POLN: variants seen among roughly 807,000 people sequenced by gnomAD.
The protein encoded by POLN is DNA polymerase N.
In POLN, 108 loss-of-function variants were observed where a neutral mutation model predicts 113.5. The observed-to-expected ratio is 0.95, with a 90% confidence interval of 0.81 to 1.12. POLN has a LOEUF of 1.12. Among genes scored for constraint, POLN ranks in the 50% most tolerant of loss-of-function variants. The pLI, the probability that POLN is intolerant of heterozygous loss-of-function variation, is 0.00. For synonymous variants in POLN, 386 were observed against 391.5 expected (o/e 0.99, Z 0.17); for missense variants, 1,097 against 1,077.1 (o/e 1.02, Z -0.26).
intron 13 of POLN, among the ~76,000 whole-genome samples, chr4:2,166,453 T>C (rs1732730374): frequency 1.3e-5 from 2 of 152,078 alleles, no homozygotes; most frequent in African/African-American, 4.8e-5. Context: ...TCTTATAATA[T>C]CTAATTTTAG....
intron 20 of POLN, chr4:2,089,471 G>C: frequency 1.4e-6 from 2 of 1,407,450 alleles, no homozygotes; most frequent in Non-Finnish European, 1.9e-6. Flanking sequence ...TTGTGTTCCC[G>C]AAACAGTTCA....
chr4:2,164,802 C>CAAAAAAAAAA (rs33935159), intron 13 of POLN, among the ~76,000 whole-genome samples: 3 of 28,694 alleles, frequency 1.0e-4, no homozygotes, highest in African/African-American at 2.3e-4. Context: ...GACTCTGTCT[C>CAAAAAAAAAA]AAAAAAAAAA....
chr4:2,107,483 G>C (rs907438177), intron 19 of POLN, among the ~76,000 whole-genome samples: 7 of 152,168 alleles, frequency 4.6e-5, no homozygotes, highest in Non-Finnish European at 8.8e-5. Context: ...AGGCTTGGAG[G>C]GGTTGCATGA....
chr4:2,217,908 G>A (rs1328512936), intron 3 of POLN, among the ~76,000 whole-genome samples: 1 of 152,224 alleles, frequency 6.6e-6, no homozygotes, highest in African/African-American at 2.4e-5. Flanking sequence ...ATGCCTATCA[G>A]GTGTTATGGT....
intron 23 of POLN, chr4:2,076,734 C>T (rs1204419061): frequency 3.3e-5 from 5 of 152,340 alleles, no homozygotes; most frequent in African/African-American, 4.8e-5. Flanking sequence ...GGGCATGTGA[C>T]GGAGAGCCCC....
At chr4:2,213,011 A>T (rs1231248189) in intron 4 of POLN, 36 bp downstream of exon 4, 1 of 1,435,904 alleles carries the variant, frequency 7.0e-7, no homozygotes, top group East Asian at 2.3e-5. Flanking sequence ...CAAATAAGTT[A>T]TCTATTTAAA....
intron 23 of POLN, chr4:2,080,389 C>A: frequency 3.9e-6 from 4 of 1,031,140 alleles, no homozygotes; most frequent in Non-Finnish European, 4.6e-6. Flanking sequence ...CAAGGCACAT[C>A]TGCATGTTGG....
chr4:2,231,788 C>T (rs1233654373), intron 2 of POLN: 2 of 560,774 alleles, frequency 3.6e-6, no homozygotes, highest in Non-Finnish European at 6.3e-6. Context: ...AGAAAAAAGA[C>T]AAATTAATAT....
At chr4:2,210,902 CAG>C in intron 4 of POLN, among the ~76,000 whole-genome samples, 1 of 147,256 alleles carries the variant, frequency 6.8e-6, no homozygotes. Flanking sequence ...GCCTTGGTGA[CAG>C]AGACTCCATC....
intron 21 of POLN, among the ~76,000 whole-genome samples, chr4:2,082,434 C>T (rs11931364): frequency 0.11 from 16,914 of 152,206 alleles, 3,175 homozygotes; most frequent in African/African-American, 0.38. Flanking sequence ...GGGGATGTCT[C>T]AGTCAGGTCC....
intron 16 of POLN, chr4:2,139,583 A>C (rs1731945327): frequency 6.6e-6 from 1 of 152,250 alleles, no homozygotes; most frequent in South Asian, 2.1e-4. Flanking sequence ...GGGATGGCTC[A>C]GTTTACTCTA....
At chr4:2,196,122 A>C (rs1262377654) in intron 6 of POLN, among the ~76,000 whole-genome samples, 1 of 152,226 alleles carries the variant, frequency 6.6e-6, no homozygotes, top group Non-Finnish European at 1.5e-5. Context: ...TCTGAAAAAA[A>C]TCGAATATTT....
chr4:2,090,578 C>T, intron 20 of POLN: 1 of 463,100 alleles, frequency 2.2e-6, no homozygotes, highest in Non-Finnish European at 4.0e-6. Context: ...TCAAGATCTT[C>T]ATCGCAGTCA....
At chr4:2,228,348 C>CTTTTTTT (rs531222767) in intron 3 of POLN, 2 of 188,106 alleles carry the variant, frequency 1.1e-5, no homozygotes, top group Non-Finnish European at 2.1e-5. Flanking sequence ...ACTGCTTTCA[C>CTTTTTTT]TTTTTTTTTT....
At chr4:2,087,637 A>C (rs1370554469) in intron 20 of POLN, among the ~76,000 whole-genome samples, 1 of 152,192 alleles carries the variant, frequency 6.6e-6, no homozygotes, top group Admixed American at 6.5e-5. Flanking sequence ...CTTAGTAATT[A>C]ATAGAAACTT....
Position 2,240,519 on chromosome 4 carries a change from T to G in POLN, c.-13+1001A>C, listed in dbSNP as rs371675587. 1.5e-4 allele frequency: 241 copies of G among 1,613,838 alleles called. No individual in the cohort carries two copies. The highest frequency in any genetic ancestry group is 9.9e-4 in the Middle Eastern group (6 of 6,058). On this transcript the variant is annotated intron_variant, in intron 2 of 25. Transcript: ENST00000511885. Reference sequence around the variant, plus strand: ...ACTCTGCTTCAGCTTTTTAGTGGCTTCTTCTTCTTTAGCATTTAACCTCAG... The same window carrying G: ...ACTCTGCTTCAGCTTTTTAGTGGCTGCTTCTTCTTTAGCATTTAACCTCAG...
chr4:2,119,065 G>A (rs956587247), intron 19 of POLN, among the ~76,000 whole-genome samples: 5 of 152,178 alleles, frequency 3.3e-5, no homozygotes, highest in Non-Finnish European at 5.9e-5. Flanking sequence ...CAGCAATACT[G>A]TCTTCCACAC....
chr4:2,193,155 G>T, intron 7 of POLN, 49 bp downstream of exon 7: 1 of 1,368,652 alleles, frequency 7.3e-7, no homozygotes, highest in East Asian at 2.4e-5. Context: ...CATAGGAGGA[G>T]TCACAGTTGA....
At chr4:2,228,188 C>T (rs549055575) in intron 3 of POLN, 60 of 157,252 alleles carry the variant, frequency 3.8e-4, no homozygotes, top group Non-Finnish European at 7.6e-4. Flanking sequence ...GAGAAACCAA[C>T]CACAAACTAT....
Sources: gnomAD v4.1 joint callset for allele counts (sites outside exome capture counted in the v4.1 genomes callset) on GRCh38, gnomAD v4.1.1 for gene constraint, MANE v1.5 for transcripts, NCBI Gene and HGNC (gene_info 2026-07-23, HGNC 2026-07-21) for gene names.